TMEM117: variants seen among roughly 807,000 people sequenced by gnomAD.
The protein encoded by TMEM117 is transmembrane protein 117.
TMEM117 carries 27 observed loss-of-function variants against 52.4 expected under a neutral mutation model. That is an observed-to-expected ratio of 0.51 (90% confidence interval 0.38 to 0.71). The LOEUF (loss-of-function observed/expected upper bound fraction) is 0.71, where lower values mean the gene tolerates loss of function less well. TMEM117 is among the 30% of genes least tolerant of loss of function. TMEM117 has a pLI of 0.00. For synonymous variants in TMEM117, 215 were observed against 206.3 expected (o/e 1.04, Z -0.36); for missense variants, 556 against 630.5 (o/e 0.88, Z 1.26).
At chr12:44,134,067 C>G (rs1948454030) in intron 3 of TMEM117, among the ~76,000 whole-genome samples, 1 of 152,144 alleles carries the variant, frequency 6.6e-6, no homozygotes, top group Non-Finnish European at 1.5e-5. Flanking sequence ...AAATCAGGCT[C>G]CCTTTATATT....
At chr12:44,246,849 T>C (rs1013604121) in intron 5 of TMEM117, among the ~76,000 whole-genome samples, 1 of 152,190 alleles carries the variant, frequency 6.6e-6, no homozygotes, top group African/African-American at 2.4e-5. Flanking sequence ...TATTTGTGGT[T>C]TAATTTATTC....
chr12:43,806,100 C>A, the TMEM117 span: 3 of 1,521,798 alleles, frequency 2.0e-6, no homozygotes, highest in Non-Finnish European at 2.6e-6. Context: ...CCCGGCTCGC[C>A]CCGCGAGACC....
upstream of TMEM117, among the ~76,000 whole-genome samples, chr12:43,832,370 T>C (rs1007556422): frequency 6.6e-5 from 10 of 152,190 alleles, no homozygotes; most frequent in African/African-American, 2.4e-4. Context: ...AAACCCCTAA[T>C]AGGTCTGTGT....
At chr12:43,944,800 G>T (rs1833126954) in intron 3 of TMEM117, among the ~76,000 whole-genome samples, 2 of 152,072 alleles carry the variant, frequency 1.3e-5, no homozygotes, top group Non-Finnish European at 2.9e-5. Context: ...AGAGACCTTT[G>T]TTATAAATAG....
At chr12:43,882,066 C>T (rs1261950264) in intron 2 of TMEM117, among the ~76,000 whole-genome samples, 2 of 151,258 alleles carry the variant, frequency 1.3e-5, no homozygotes, top group East Asian at 2.0e-4. Flanking sequence ...AGCAAGACTC[C>T]GTCTCAAAAA....
chr12:44,261,260 G>A (rs1950317730), intron 5 of TMEM117, among the ~76,000 whole-genome samples: 1 of 152,182 alleles, frequency 6.6e-6, no homozygotes, highest in African/African-American at 2.4e-5. Context: ...AAGAAGCTAA[G>A]GCTCAGAAAA....
At chr12:44,028,719 C>T (rs556325493) in intron 3 of TMEM117, among the ~76,000 whole-genome samples, 1 of 152,322 alleles carries the variant, frequency 6.6e-6, no homozygotes, top group East Asian at 1.9e-4. Flanking sequence ...AATGGGCAAC[C>T]AGCAGCCCTT....
intron 2 of TMEM117, among the ~76,000 whole-genome samples, chr12:43,864,906 C>T (rs1042108271): frequency 6.6e-6 from 1 of 152,170 alleles, no homozygotes; most frequent in Non-Finnish European, 1.5e-5. Flanking sequence ...CCACAAAGGT[C>T]TGCAGCTTCA....
At chr12:44,215,432 T>A (rs1949702760) in intron 5 of TMEM117, among the ~76,000 whole-genome samples, 1 of 152,152 alleles carries the variant, frequency 6.6e-6, no homozygotes, top group Non-Finnish European at 1.5e-5. Flanking sequence ...GGGAGGAATA[T>A]GTATAGATCT....
intron 2 of TMEM117, among the ~76,000 whole-genome samples, chr12:43,877,629 G>A (rs573065998): frequency 3.7e-5 from 5 of 135,312 alleles, no homozygotes; most frequent in East Asian, 2.0e-4. Context: ...AGTGCGACTC[G>A]GTCTCAAAAA....
intron 2 of TMEM117, among the ~76,000 whole-genome samples, chr12:43,846,623 C>T (rs1420903768): frequency 6.6e-6 from 1 of 152,128 alleles, no homozygotes; most frequent in African/African-American, 2.4e-5. Flanking sequence ...AACTTACTTC[C>T]TACAGGAGAG....
At chr12:43,885,437 C>A (rs1332789210) in intron 2 of TMEM117, among the ~76,000 whole-genome samples, 1 of 114,034 alleles carries the variant, frequency 8.8e-6, no homozygotes, top group African/African-American at 2.8e-5. Context: ...TTTTGATATC[C>A]AGATACAGTT....
intron 2 of TMEM117, among the ~76,000 whole-genome samples, chr12:43,853,106 A>G (rs1192636053): frequency 6.6e-6 from 1 of 152,202 alleles, no homozygotes; most frequent in Non-Finnish European, 1.5e-5. Flanking sequence ...TGTTTCATTA[A>G]TGTCTGATTT....
chr12:44,170,703 A>G (rs1187984419), intron 4 of TMEM117, among the ~76,000 whole-genome samples: 3 of 152,168 alleles, frequency 2.0e-5, no homozygotes, highest in East Asian at 3.8e-4. Flanking sequence ...ATCTTGATAG[A>G]TCAATGTTCT....
chr12:44,086,461 C>T (rs971792310), intron 3 of TMEM117, among the ~76,000 whole-genome samples: 1 of 151,976 alleles, frequency 6.6e-6, no homozygotes, highest in Admixed American at 6.6e-5. Flanking sequence ...GTGATCCGCC[C>T]CTCTCAGCCG....
chr12:44,022,898 C>T (rs1457838711), intron 3 of TMEM117, among the ~76,000 whole-genome samples: 1 of 152,068 alleles, frequency 6.6e-6, no homozygotes, highest in Admixed American at 6.6e-5. Flanking sequence ...AATTTCCAGA[C>T]AGTGGATTAC....
chr12:43,953,309 C>T (rs1012252061), intron 3 of TMEM117, among the ~76,000 whole-genome samples: 1 of 152,048 alleles, frequency 6.6e-6, no homozygotes, highest in African/African-American at 2.4e-5. Context: ...TAATATTAAC[C>T]TGAAATGTAA....
chr12:44,044,330 G>T (rs552157515), intron 3 of TMEM117, among the ~76,000 whole-genome samples: 5 of 152,150 alleles, frequency 3.3e-5, no homozygotes, highest in Non-Finnish European at 2.9e-5. Flanking sequence ...GCAGATAACT[G>T]CTCTCCTTTT....
intron 3 of TMEM117, among the ~76,000 whole-genome samples, chr12:43,996,072 A>C (rs1234360370): frequency 6.6e-6 from 1 of 152,224 alleles, no homozygotes; most frequent in Non-Finnish European, 1.5e-5. Context: ...AAAAAATGAC[A>C]ACAGAAATCT....
Sources: allele counts gnomAD v4.1 joint callset (sites outside exome capture counted in the v4.1 genomes callset), GRCh38; gene constraint gnomAD v4.1.1; transcripts MANE v1.5; gene names NCBI Gene and HGNC (gene_info 2026-07-23, HGNC 2026-07-21).